EPHA6: variants seen among roughly 807,000 people sequenced by gnomAD.
The protein encoded by EPHA6 is EPH receptor A6.
A neutral mutation model predicts 112.0 loss-of-function variants in EPHA6; 50 were observed. The observed-to-expected ratio is 0.45, with a 90% CI of 0.36 to 0.56. The LOEUF is 0.56. EPHA6 is among the 20% of genes least tolerant of loss of function. The pLI is 0.00. For synonymous variants in EPHA6, 529 were observed against 490.7 expected, an observed-to-expected ratio of 1.08 and a Z score of -1.03; for missense variants, 1,280 against 1,417.4, an observed-to-expected ratio of 0.90 and a Z score of 1.56.
chr3:97,073,041 T>C (rs2046407944), intron 3 of EPHA6, among the ~76,000 whole-genome samples: 1 of 152,170 alleles, frequency 6.6e-6, no homozygotes, highest in Non-Finnish European at 1.5e-5. Flanking sequence ...CACAGCAAAG[T>C]GCCCCCTCCC....
chr3:97,729,513 G>A (rs1021508013), intron 15 of EPHA6, among the ~76,000 whole-genome samples: 3 of 151,924 alleles, frequency 2.0e-5, no homozygotes, highest in Non-Finnish European at 2.9e-5. Context: ...TCACGATCAT[G>A]AGAACAGCAC....
At chr3:97,495,909 C>A (rs1482702060) in intron 10 of EPHA6, among the ~76,000 whole-genome samples, 1 of 152,080 alleles carries the variant, frequency 6.6e-6, no homozygotes, top group South Asian at 2.1e-4. Context: ...CAGTTATGGC[C>A]GTACTTTTTC....
chr3:97,365,872 G>A (rs1177371300), intron 5 of EPHA6, among the ~76,000 whole-genome samples: 2 of 152,180 alleles, frequency 1.3e-5, no homozygotes, highest in Admixed American at 6.5e-5. Context: ...CCTAGGTTAA[G>A]GGGTTTGCTT....
intron 10 of EPHA6, among the ~76,000 whole-genome samples, chr3:97,494,320 C>T (rs1269068849): frequency 6.6e-6 from 1 of 152,160 alleles, no homozygotes; most frequent in South Asian, 2.1e-4. Flanking sequence ...TGGTTAGAAT[C>T]TTATAAACTT....
chr3:97,121,588 G>T (rs1288705166), intron 3 of EPHA6, among the ~76,000 whole-genome samples: 1 of 152,048 alleles, frequency 6.6e-6, no homozygotes, highest in Non-Finnish European at 1.5e-5. Flanking sequence ...CCACTTGGCT[G>T]GGTGCCATTG....
intron 3 of EPHA6, among the ~76,000 whole-genome samples, chr3:97,134,119 A>C (rs1015642745): frequency 7.9e-5 from 12 of 152,024 alleles, no homozygotes; most frequent in Non-Finnish European, 1.2e-4. Flanking sequence ...ACAAATGAAG[A>C]GATTTGATGT....
chr3:97,752,378 C>A lies in EPHA6; in HGVS notation c.*3677C>A, dbSNP rs567840958. The A allele has an allele frequency of 4.5e-6, 1 of 224,604 alleles. No homozygotes were observed. The highest frequency in any genetic ancestry group is 6.5e-5 in the East Asian group (1 of 15,464). The allele number at this position is 224,604 out of a possible 1,614,324, so 13.9% of individuals were successfully genotyped here. On this transcript the variant is annotated 3_prime_UTR_variant, in exon 18 of 18. Coordinates refer to ENST00000389672, the MANE Select transcript of EPHA6 (RefSeq NM_001080448.3). The stretch of plus-strand genomic sequence containing the variant: ...CCTACCAAATTTCTGCTCTACAAGG[C>A]AGTCAGTTAAATCTCTCATTTCATA...
At chr3:97,293,911 T>A (rs1022209606) in intron 5 of EPHA6, among the ~76,000 whole-genome samples, 1 of 152,234 alleles carries the variant, frequency 6.6e-6, no homozygotes, top group African/African-American at 2.4e-5. Context: ...TGTTCATCAG[T>A]TCCCAAAGTA....
At chr3:97,705,419 G>A (rs1251857406) in intron 14 of EPHA6, among the ~76,000 whole-genome samples, 1 of 152,064 alleles carries the variant, frequency 6.6e-6, no homozygotes, top group Non-Finnish European at 1.5e-5. Flanking sequence ...CACATCTCAT[G>A]GCATCATTTA....
At chr3:96,973,692 G>A (rs1006600192) in intron 2 of EPHA6, among the ~76,000 whole-genome samples, 1 of 151,106 alleles carries the variant, frequency 6.6e-6, no homozygotes, top group African/African-American at 2.4e-5. Flanking sequence ...CAGGCATGGT[G>A]GCATGTACCT....
chr3:97,477,338 T>G (rs1213095751), intron 8 of EPHA6, among the ~76,000 whole-genome samples: 2 of 151,812 alleles, frequency 1.3e-5, no homozygotes, highest in African/African-American at 4.8e-5. Context: ...CTAAGTTTTC[T>G]GAGAAAGATT....
At chr3:97,039,532 A>T (rs1056868515) in intron 3 of EPHA6, among the ~76,000 whole-genome samples, 4 of 152,050 alleles carry the variant, frequency 2.6e-5, no homozygotes, top group Non-Finnish European at 5.9e-5. Context: ...GGAATAGATT[A>T]TGAGAGTCAT....
intron 2 of EPHA6, among the ~76,000 whole-genome samples, chr3:96,930,440 A>G (rs1159623290): frequency 6.6e-6 from 1 of 152,174 alleles, no homozygotes; most frequent in East Asian, 1.9e-4. Flanking sequence ...TTTAACAGTC[A>G]GAACACCCTT....
intron 3 of EPHA6, among the ~76,000 whole-genome samples, chr3:97,196,177 C>CT (rs1325428604): frequency 6.8e-6 from 1 of 146,420 alleles, no homozygotes; most frequent in Non-Finnish European, 1.5e-5. Context: ...TTTTTTTTTT[C>CT]TTTTGTCTCC....
chr3:97,052,918 TGG>T (rs1280609325), intron 3 of EPHA6, among the ~76,000 whole-genome samples: 1 of 151,934 alleles, frequency 6.6e-6, no homozygotes, highest in African/African-American at 2.4e-5. Context: ...TCAACTATGG[TGG>T]TGGACAGAAA....
intron 3 of EPHA6, among the ~76,000 whole-genome samples, chr3:96,991,668 T>G (rs2043222503): frequency 6.6e-6 from 1 of 152,132 alleles, no homozygotes; most frequent in Non-Finnish European, 1.5e-5. Flanking sequence ...ATGCACAAAA[T>G]CCCACACCCT....
intron 5 of EPHA6, among the ~76,000 whole-genome samples, chr3:97,365,226 T>C (rs2084647281): frequency 6.6e-6 from 1 of 152,120 alleles, no homozygotes; most frequent in Admixed American, 6.6e-5. Context: ...TTTACTTAGA[T>C]ACATTTTTAA....
At position 96,826,015 on chromosome 3, in the gene EPHA6, T is replaced by C. The variant is rs879584364; in HGVS notation, c.385+11007T>C. Reference sequence around the variant, plus strand: ...TGAATACATCTAGGTTTTTTTGTTATAATTGCAACACCCTATTGCAGGCAT... The same window carrying C: ...TGAATACATCTAGGTTTTTTTGTTACAATTGCAACACCCTATTGCAGGCAT... On this transcript the variant is annotated intron_variant, in intron 1 of 17. Coordinates refer to ENST00000389672, the MANE Select transcript of EPHA6 (RefSeq NM_001080448.3). 1.8e-4 allele frequency among the ~76,000 whole-genome samples: 28 copies of C among 152,036 alleles called. No individual in the cohort carries two copies. In the East Asian group the frequency reaches 4.8e-3, roughly 26 times the overall value.
intron 5 of EPHA6, among the ~76,000 whole-genome samples, chr3:97,297,233 T>A (rs1015788448): frequency 6.6e-6 from 1 of 152,186 alleles, no homozygotes; most frequent in Non-Finnish European, 1.5e-5. Flanking sequence ...CAACACCAAC[T>A]GAGTGAGCTG....
Sources: allele counts gnomAD v4.1 joint callset (sites outside exome capture counted in the v4.1 genomes callset), GRCh38; gene constraint gnomAD v4.1.1; transcripts MANE v1.5; gene names NCBI Gene and HGNC (gene_info 2026-07-23, HGNC 2026-07-21).